The following CREB3L2 variants were observed in gnomAD, a reference collection of about 807,000 sequenced individuals.
CREB3L2 encodes cAMP responsive element binding protein 3 like 2, also known as cyclic AMP-responsive element-binding protein 3-like protein 2.
CREB3L2 carries 23 observed loss-of-function variants against 57.2 expected under a neutral mutation model. The observed-to-expected ratio is 0.40, with a 90% CI of 0.29 to 0.57. The LOEUF (loss-of-function observed/expected upper bound fraction) is 0.57, where lower values mean the gene tolerates loss of function less well. CREB3L2 is among the 20% of genes least tolerant of loss of function. The probability of loss-of-function intolerance (pLI) is 0.42; values close to 1 mark genes in which losing one functional copy is unlikely to be tolerated. For synonymous variants in CREB3L2, 268 were observed against 265.1 expected (o/e 1.01, Z -0.11); for missense variants, 628 against 634.7 (o/e 0.99, Z 0.11).
chr7:137,958,675 GT>G (rs1801264348), intron 1 of CREB3L2, among the ~76,000 whole-genome samples: 1 of 152,244 alleles, frequency 6.6e-6, no homozygotes, highest in East Asian at 1.9e-4. Context: ...AATCCAGTGA[GT>G]TAAGGGCAGG....
chr7:137,985,290 G>A (rs1801773207), intron 1 of CREB3L2, among the ~76,000 whole-genome samples: 1 of 152,208 alleles, frequency 6.6e-6, no homozygotes, highest in African/African-American at 2.4e-5. Flanking sequence ...AGGACTCAGA[G>A]AGGTTCTCTC....
chr7:137,893,199 G>A (rs535228343), intron 8 of CREB3L2, among the ~76,000 whole-genome samples: 1 of 152,276 alleles, frequency 6.6e-6, no homozygotes, highest in Non-Finnish European at 1.5e-5. Flanking sequence ...ACTGGCCCAG[G>A]AACAAACACT....
At chr7:137,959,581 T>C (rs1563266043) in intron 1 of CREB3L2, among the ~76,000 whole-genome samples, 1 of 152,244 alleles carries the variant, frequency 6.6e-6, no homozygotes. Flanking sequence ...TGTATGGTGA[T>C]TTGTTATGTA....
At chr7:137,955,145 T>G in intron 1 of CREB3L2, 1 of 483,976 alleles carries the variant, frequency 2.1e-6, no homozygotes, top group South Asian at 1.6e-5. Context: ...GGCTGACCTT[T>G]TTATAAGTGG....
intron 1 of CREB3L2, among the ~76,000 whole-genome samples, chr7:137,965,896 A>C (rs1452147156): frequency 6.6e-6 from 1 of 152,232 alleles, no homozygotes; most frequent in Admixed American, 6.5e-5. Context: ...CTGAGGGTGT[A>C]TCACAATCAC....
chr7:137,888,245 T>C (rs941973471), intron 8 of CREB3L2, among the ~76,000 whole-genome samples: 4 of 152,246 alleles, frequency 2.6e-5, no homozygotes, highest in African/African-American at 9.6e-5. Flanking sequence ...ATTACAGGCA[T>C]GAGCCACTTG....
chr7:137,927,278 G>GAGGAAGGAAGGA lies in CREB3L2; in HGVS notation c.319+860_319+871dup, dbSNP rs1554498591. 2.6e-3 allele frequency among the ~76,000 whole-genome samples: 353 copies of GAGGAAGGAAGGA among 136,622 alleles called. 4 individuals are homozygous for GAGGAAGGAAGGA. Among genetic ancestry groups the GAGGAAGGAAGGA allele is most frequent in the East Asian group, 0.019 (88 of 4,520 alleles). 89.6% of individuals were successfully genotyped at this position (136,622 alleles called of 152,430 possible). The stretch of plus-strand genomic sequence containing the variant: ...GAACAGAACGGAAAGGAAAGGAAAG[G>GAGGAAGGAAGGA]AGGAAGGAAGGAAGGAAGGGTGGGA... On this transcript the variant is annotated intron_variant, in intron 2 of 11. Coordinates refer to ENST00000330387, the MANE Select transcript of CREB3L2 (RefSeq NM_194071.4).
chr7:138,000,336 G>T (rs1049527530), intron 1 of CREB3L2, among the ~76,000 whole-genome samples: 1 of 152,156 alleles, frequency 6.6e-6, no homozygotes, highest in South Asian at 2.1e-4. Flanking sequence ...CCCAACCTCC[G>T]TGCTGCCCAC....
intron 1 of CREB3L2, among the ~76,000 whole-genome samples, chr7:137,987,962 T>C (rs1801820094): frequency 1.3e-5 from 2 of 152,224 alleles, no homozygotes; most frequent in Admixed American, 6.5e-5. Flanking sequence ...CAGAAACCCA[T>C]TTAATTCACC....
Position 137,972,726 on chromosome 7 carries a change from TATATATATATAG to T in CREB3L2, c.102+28866_102+28877del, listed in dbSNP as rs1210483953. Among the ~76,000 whole-genome samples the T allele has an allele frequency of 4.3e-3, 115 of 26,516 alleles. 3 individuals carry two copies. Among genetic ancestry groups the T allele is most frequent in the African/African-American group, 0.029 (104 of 3,542 alleles). 17.4% of individuals were successfully genotyped at this position (26,516 alleles called of 152,430 possible). A position where few individuals can be genotyped will look rare whatever the true frequency, so the allele number is the denominator to read the frequency against. Reference sequence around the variant, plus strand: ...AAAAAAAAAAAAATATATATATATATATATATATATAGAGAGAGAGAGAGAGAGAGAGAGAGA... The same window carrying T: ...AAAAAAAAAAAAATATATATATATATAGAGAGAGAGAGAGAGAGAGAGAGA... On this transcript the variant is annotated intron_variant, in intron 1 of 11. Coordinates refer to ENST00000330387, the MANE Select transcript of CREB3L2 (RefSeq NM_194071.4).
At chr7:137,882,372 A>G (rs1358899418) in intron 11 of CREB3L2, 40 bp downstream of exon 11, 2 of 1,475,662 alleles carry the variant, frequency 1.4e-6, no homozygotes, top group South Asian at 1.2e-5. Flanking sequence ...ACCCACCATC[A>G]GTGCACTAGA....
At chr7:137,988,885 G>A (rs951234542) in intron 1 of CREB3L2, among the ~76,000 whole-genome samples, 4 of 150,564 alleles carry the variant, frequency 2.7e-5, no homozygotes, top group African/African-American at 9.8e-5. Context: ...CTTGAGCTCA[G>A]GAGTTCAAGA....
chr7:137,960,196 C>T (rs543889091), intron 1 of CREB3L2, among the ~76,000 whole-genome samples: 5 of 152,252 alleles, frequency 3.3e-5, no homozygotes, highest in African/African-American at 4.8e-5. Context: ...AAGTAACTTG[C>T]CAAGAACATG....
At chr7:137,947,687 G>C (rs190656033) in intron 1 of CREB3L2, among the ~76,000 whole-genome samples, 10 of 152,260 alleles carry the variant, frequency 6.6e-5, no homozygotes, top group African/African-American at 2.4e-4. Context: ...TATTCCTGAT[G>C]GTCTAGCCAA....
At chr7:137,976,179 C>G (rs1235829796) in intron 1 of CREB3L2, among the ~76,000 whole-genome samples, 4 of 152,238 alleles carry the variant, frequency 2.6e-5, no homozygotes, top group African/African-American at 9.7e-5. Flanking sequence ...TCTGCTCTTA[C>G]CTACTTTCTC....
chr7:137,917,190 C>T (rs559100060), intron 2 of CREB3L2, among the ~76,000 whole-genome samples: 1 of 152,282 alleles, frequency 6.6e-6, no homozygotes, highest in South Asian at 2.1e-4. Flanking sequence ...AGCTAACAAC[C>T]GAGAGACAAG....
intron 8 of CREB3L2, among the ~76,000 whole-genome samples, chr7:137,892,079 A>C (rs1408028814): frequency 6.6e-6 from 1 of 152,144 alleles, no homozygotes; most frequent in Non-Finnish European, 1.5e-5. Flanking sequence ...CCAAATTCCA[A>C]ATCATGAACC....
At chr7:137,955,565 A>C (rs973871718) in intron 1 of CREB3L2, among the ~76,000 whole-genome samples, 1 of 152,218 alleles carries the variant, frequency 6.6e-6, no homozygotes, top group Non-Finnish European at 1.5e-5. Context: ...AACATAACTC[A>C]GAAAATAATT....
At position 137,878,872 on chromosome 7, in the gene CREB3L2, C is replaced by G. The variant is rs1367049592; in HGVS notation, c.*1604G>C. 5.7e-6 allele frequency: 2 copies of G among 347,852 alleles called. No individual in the cohort carries two copies. The highest frequency in any genetic ancestry group is 1.0e-4 in the East Asian group (2 of 19,270). The allele number at this position is 347,852 out of a possible 1,614,324, so 21.5% of individuals were successfully genotyped here. ...AAGCCAGGGTGTGGGCTTAATCCCT[C>G]TAAGTACAGGCTCCAATAACAATGC... On this transcript the variant is annotated 3_prime_UTR_variant, in exon 12 of 12. Transcript: ENST00000330387.
Sources: gnomAD v4.1 joint callset for allele counts (sites outside exome capture counted in the v4.1 genomes callset) on GRCh38, gnomAD v4.1.1 for gene constraint, MANE v1.5 for transcripts, NCBI Gene and HGNC (gene_info 2026-07-23, HGNC 2026-07-21) for gene names.